Variants in RNF121 observed in about 807,000 individuals in gnomAD.
RNF121 encodes the protein ring finger protein 121, also known as E3 ubiquitin ligase RNF121.
Under a neutral mutation model 46.5 loss-of-function variants are expected in RNF121, and 21 were observed. The observed-to-expected ratio is 0.45, with a 90% CI of 0.32 to 0.65. The LOEUF (loss-of-function observed/expected upper bound fraction) is 0.65, where lower values mean the gene tolerates loss of function less well. RNF121 is among the 30% of genes least tolerant of loss of function. The probability of loss-of-function intolerance (pLI) is 0.04; values close to 1 mark genes in which losing one functional copy is unlikely to be tolerated. For synonymous variants in RNF121, 139 were observed against 144.7 expected, an observed-to-expected ratio of 0.96 and a Z score of 0.28; for missense variants, 346 against 416.0, an observed-to-expected ratio of 0.83 and a Z score of 1.46.
chr11:71,990,900 A>T, intron 6 of RNF121, 183 bp downstream of exon 6: 1 of 724,782 alleles, frequency 1.4e-6, no homozygotes, highest in Non-Finnish European at 2.2e-6. Context: ...CCATAAAAAA[A>T]GATAAAACCA....
At chr11:71,958,170 T>A (rs986691934) in intron 2 of RNF121, among the ~76,000 whole-genome samples, 4 of 152,228 alleles carry the variant, frequency 2.6e-5, no homozygotes, top group African/African-American at 4.8e-5. Flanking sequence ...AAATATTTTG[T>A]TCTAAGCATG....
At position 71,996,499 on chromosome 11, in the gene RNF121, C is replaced by T; in HGVS notation, c.*184C>T. The T allele has an allele frequency of 1.7e-6, 1 of 584,954 alleles. No individual in the cohort carries two copies. The highest frequency in any genetic ancestry group is 2.9e-6 in the Non-Finnish European group (1 of 342,186). 36.2% of individuals were successfully genotyped at this position (584,954 alleles called of 1,614,324 possible). On this transcript the variant is annotated 3_prime_UTR_variant, in exon 9 of 9. Coordinates refer to ENST00000361756, the MANE Select transcript of RNF121 (RefSeq NM_018320.5). Reference sequence around the variant, plus strand: ...GAGAGCCAGCCAGTGGGGCTGTCAGCAGTGGGGGGCTTTTTAAAAGAAAAC... The same window carrying T: ...GAGAGCCAGCCAGTGGGGCTGTCAGTAGTGGGGGGCTTTTTAAAAGAAAAC...
In RNF121 at chr11:71,996,523, A is replaced by C. The variant is rs1954981842; in HGVS notation, c.*208A>C. The C allele has an allele frequency of 2.8e-5, 15 of 534,096 alleles. No homozygotes were observed. The South Asian group carries it at 4.2e-4, about 15-fold the overall frequency. 33.1% of individuals were successfully genotyped at this position (534,096 alleles called of 1,614,324 possible). On this transcript the variant is annotated 3_prime_UTR_variant, in exon 9 of 9. Transcript: ENST00000361756. ...GCAGTGGGGGGCTTTTTAAAAGAAAACTATTTTGATGAATATATTTAAAAA... is the reference window on the plus strand; with the variant it reads ...GCAGTGGGGGGCTTTTTAAAAGAAACCTATTTTGATGAATATATTTAAAAA...
At chr11:71,970,157 G>A (rs567014671) in intron 3 of RNF121, among the ~76,000 whole-genome samples, 90 of 152,254 alleles carry the variant, frequency 5.9e-4, no homozygotes, top group African/African-American at 2.0e-3. Flanking sequence ...CCACTTATAT[G>A]AGATATCTAA....
At chr11:71,993,236 CACCATTTTG>C (rs1408763942) in intron 6 of RNF121, among the ~76,000 whole-genome samples, 2 of 152,230 alleles carry the variant, frequency 1.3e-5, no homozygotes. Context: ...TAGACCATGT[CACCATTTTG>C]ACCATTTTGA....
At chr11:71,981,228 T>G (rs1954647340) in intron 3 of RNF121, among the ~76,000 whole-genome samples, 2 of 152,020 alleles carry the variant, frequency 1.3e-5, no homozygotes. Flanking sequence ...TTTTTTGTAT[T>G]TTTAGTAGAG....
At chr11:71,930,286 A>C (rs1307895556) in intron 1 of RNF121, among the ~76,000 whole-genome samples, 1 of 152,142 alleles carries the variant, frequency 6.6e-6, no homozygotes, top group Non-Finnish European at 1.5e-5. Flanking sequence ...AGGGGTCAGA[A>C]TCTTAGAGGC....
chr11:71,990,955 C>T (rs1954853303), intron 6 of RNF121, among the ~76,000 whole-genome samples: 1 of 152,162 alleles, frequency 6.6e-6, no homozygotes, highest in African/African-American at 2.4e-5. Flanking sequence ...TATCATAAGC[C>T]AGTTAATGCA....
chr11:71,964,510 C>G (rs943890316), intron 3 of RNF121, among the ~76,000 whole-genome samples: 1 of 151,762 alleles, frequency 6.6e-6, no homozygotes, highest in African/African-American at 2.4e-5. Flanking sequence ...TTCTGATTGC[C>G]CATACTGGAA....
chr11:71,938,898 C>T (rs1432343286), intron 1 of RNF121: 1 of 152,336 alleles, frequency 6.6e-6, no homozygotes, highest in Non-Finnish European at 1.5e-5. Context: ...TCTATTAATA[C>T]ATCTAAACTC....
intron 3 of RNF121, among the ~76,000 whole-genome samples, chr11:71,973,335 G>GA (rs1160528593): frequency 1.3e-5 from 2 of 151,874 alleles, no homozygotes; most frequent in Non-Finnish European, 2.9e-5. Flanking sequence ...TCTTAAAAAA[G>GA]AAAAAATTAG....
intron 1 of RNF121, among the ~76,000 whole-genome samples, chr11:71,937,177 A>G (rs1290759935): frequency 6.6e-6 from 1 of 152,152 alleles, no homozygotes; most frequent in Non-Finnish European, 1.5e-5. Context: ...AGCACTTACC[A>G]TGTCGTATTG....
intron 1 of RNF121, among the ~76,000 whole-genome samples, chr11:71,948,352 C>G (rs4945372): frequency 2.0e-5 from 3 of 151,712 alleles, no homozygotes; most frequent in Non-Finnish European, 4.4e-5. Context: ...CCCATCTTTA[C>G]TAAACGTACA....
chr11:71,995,266 C>G, intron 7 of RNF121, 184 bp from the exon 8 acceptor site: 2 of 611,136 alleles, frequency 3.3e-6, no homozygotes, highest in Non-Finnish European at 5.8e-6. Context: ...TGCCCCATAA[C>G]AGTCTTGTGA....
chr11:71,958,630 G>A (rs1447251392), intron 2 of RNF121, among the ~76,000 whole-genome samples: 2 of 152,126 alleles, frequency 1.3e-5, no homozygotes, highest in Non-Finnish European at 2.9e-5. Context: ...GGAGGCCAAG[G>A]TAGGAGGATC....
At chr11:71,991,954 CAAAA>C (rs113137594) in intron 6 of RNF121, among the ~76,000 whole-genome samples, 9 of 123,868 alleles carry the variant, frequency 7.3e-5, no homozygotes, top group African/African-American at 2.1e-4. Context: ...AAAAATGAGA[CAAAA>C]AAAAAAAAAA....
chr11:71,955,958 G>A (rs1953981285), intron 1 of RNF121, among the ~76,000 whole-genome samples: 1 of 152,102 alleles, frequency 6.6e-6, no homozygotes, highest in Non-Finnish European at 1.5e-5. Flanking sequence ...GCAAAGTCCT[G>A]GTAAATTTAT....
At chr11:71,971,516 A>AT (rs1277531271) in intron 3 of RNF121, among the ~76,000 whole-genome samples, 1 of 152,346 alleles carries the variant, frequency 6.6e-6, no homozygotes, top group African/African-American at 2.4e-5. Flanking sequence ...CTGAAACTGA[A>AT]TGGAGAATAG....
At chr11:71,980,985 A>G (rs909248573) in intron 3 of RNF121, among the ~76,000 whole-genome samples, 4 of 152,154 alleles carry the variant, frequency 2.6e-5, no homozygotes, top group African/African-American at 7.2e-5. Context: ...ATTTTAAACT[A>G]TGTTTGTGAC....
Sources: allele counts gnomAD v4.1 joint callset (sites outside exome capture counted in the v4.1 genomes callset), GRCh38; gene constraint gnomAD v4.1.1; transcripts MANE v1.5; gene names NCBI Gene and HGNC (gene_info 2026-07-23, HGNC 2026-07-21).